TUSC3: variants seen among roughly 807,000 people sequenced by gnomAD.
The protein encoded by TUSC3 is dolichyl-diphosphooligosaccharide--protein glycosyltransferase subunit TUSC3.
Under a neutral mutation model 44.8 loss-of-function variants are expected in TUSC3, and 45 were observed. The observed-to-expected ratio is 1.00, with a 90% CI of 0.79 to 1.29. The LOEUF (loss-of-function observed/expected upper bound fraction) is 1.29, where lower values mean the gene tolerates loss of function less well. TUSC3 is among the 50% of genes most tolerant of loss of function. TUSC3 has a pLI of 0.00. For synonymous variants in TUSC3, 212 were observed against 152.9 expected (o/e 1.39, Z -2.85); for missense variants, 519 against 437.9 (o/e 1.19, Z -1.65).
chr8:15,450,354 T>C (rs1800177815), intron 1 of TUSC3, among the ~76,000 whole-genome samples: 1 of 151,964 alleles, frequency 6.6e-6, no homozygotes, highest in Non-Finnish European at 1.5e-5. Flanking sequence ...TAAATTGAGT[T>C]TTTAGGGCTG....
At chr8:15,480,541 A>G (rs1257373459) in intron 1 of TUSC3, among the ~76,000 whole-genome samples, 1 of 152,152 alleles carries the variant, frequency 6.6e-6, no homozygotes, top group Non-Finnish European at 1.5e-5. Context: ...CTCATGTCTG[A>G]TTTGATTCTT....
chr8:15,512,332 C>A (rs1801148442), intron 2 of TUSC3, among the ~76,000 whole-genome samples: 1 of 152,158 alleles, frequency 6.6e-6, no homozygotes, highest in Non-Finnish European at 1.5e-5. Context: ...GAAAAACTGA[C>A]CTCCCCTGAA....
At position 15,677,255 on chromosome 8, in the gene TUSC3, C is replaced by T. The variant is rs539503977; in HGVS notation, c.798+3419C>T. Among the ~76,000 whole-genome samples, 27 of 152,222 alleles carry T rather than the reference C, an allele frequency of 1.8e-4. No homozygotes were observed. The East Asian group carries it at 5.0e-3, about 28-fold the overall frequency. On this transcript the variant is annotated intron_variant, in intron 6 of 10. Transcript: ENST00000503731. Reference sequence around the variant, plus strand: ...ACTCAAGCAGCTCTCCTGCATTGGCCTCCCTGAGTTCTCGGATTACAGGCC... The same window carrying T: ...ACTCAAGCAGCTCTCCTGCATTGGCTTCCCTGAGTTCTCGGATTACAGGCC...
intron 6 of TUSC3, among the ~76,000 whole-genome samples, chr8:15,683,258 C>T (rs1808496526): frequency 6.6e-6 from 1 of 152,110 alleles, no homozygotes; most frequent in Admixed American, 6.5e-5. Flanking sequence ...ATGTTTTCTG[C>T]TTTCTCTTAA....
chr8:15,786,752 G>C, the TUSC3 span, among the ~76,000 whole-genome samples: 1 of 151,772 alleles, frequency 6.6e-6, no homozygotes, highest in Non-Finnish European at 1.5e-5. Flanking sequence ...GATCAGTATG[G>C]CCAAGGTGGT....
intron 1 of TUSC3, among the ~76,000 whole-genome samples, chr8:15,476,790 A>C (rs1372129840): frequency 6.6e-6 from 1 of 152,236 alleles, no homozygotes; most frequent in Non-Finnish European, 1.5e-5. Context: ...CCTATTGGCC[A>C]CTTGGTGTAC....
At chr8:15,672,779 C>T (rs10098150) in intron 5 of TUSC3, among the ~76,000 whole-genome samples, 3,287 of 152,070 alleles carry the variant, frequency 0.022, 113 homozygotes, top group African/African-American at 0.075. Flanking sequence ...CCTTTTGTAT[C>T]CTTGTTTTCT....
intron 1 of TUSC3, among the ~76,000 whole-genome samples, chr8:15,607,834 A>T (rs972443613): frequency 4.6e-5 from 7 of 152,186 alleles, no homozygotes; most frequent in African/African-American, 1.7e-4. Flanking sequence ...AAAATGTAGA[A>T]ATTTTGTACT....
intron 1 of TUSC3, among the ~76,000 whole-genome samples, chr8:15,470,669 C>T (rs1800479575): frequency 6.6e-6 from 1 of 152,080 alleles, no homozygotes; most frequent in Non-Finnish European, 1.5e-5. Flanking sequence ...CATTCAAAGT[C>T]CTTTCATTAA....
At chr8:15,770,616 G>T (rs567653206), downstream of TUSC3, among the ~76,000 whole-genome samples, 3 of 152,190 alleles carry the variant, frequency 2.0e-5, no homozygotes, top group South Asian at 6.2e-4. Flanking sequence ...ATCTTAAAAT[G>T]AATCAGTTGA....
chr8:15,740,036 A>G (rs754503349), intron 7 of TUSC3, among the ~76,000 whole-genome samples: 2 of 152,192 alleles, frequency 1.3e-5, no homozygotes, highest in South Asian at 4.1e-4. Flanking sequence ...AACAAAGACA[A>G]TAAGTACATT....
rs114223326 is a variant in TUSC3, at chr8:15,627,565, T to A, written c.308+4316T>A. On this transcript the variant is annotated intron_variant, in intron 2 of 10. Coordinates refer to ENST00000503731, the MANE Select transcript of TUSC3 (RefSeq NM_006765.4). ...GATGAAGAGAAGAAGAGAATAGCTG[T>A]GGCCCTTTGGGGAGCCCAGACCTGG... Among the ~76,000 whole-genome samples the A allele has an allele frequency of 5.9e-3, 894 of 152,356 alleles. 11 individuals carry two copies. The highest frequency in any genetic ancestry group is 0.021 in the African/African-American group (866 of 41,596).
chr8:15,695,635 A>G (rs573859972), intron 6 of TUSC3, among the ~76,000 whole-genome samples: 56 of 152,348 alleles, frequency 3.7e-4, no homozygotes, highest in Non-Finnish European at 7.1e-4. Flanking sequence ...AGAAGAAGAC[A>G]GGAAAATGTG....
At chr8:15,776,587 T>C in the TUSC3 span, among the ~76,000 whole-genome samples, 1 of 152,294 alleles carries the variant, frequency 6.6e-6, no homozygotes, top group South Asian at 2.1e-4. Flanking sequence ...TATTTAATTT[T>C]TAAGTTTTAA....
intron 7 of TUSC3, among the ~76,000 whole-genome samples, chr8:15,731,592 C>G (rs1300562830): frequency 6.6e-6 from 1 of 152,032 alleles, no homozygotes; most frequent in African/African-American, 2.4e-5. Flanking sequence ...TTAGGGAAGC[C>G]CACTTGAGCT....
At chr8:15,624,999 A>T (rs921963010) in intron 2 of TUSC3, among the ~76,000 whole-genome samples, 1 of 151,984 alleles carries the variant, frequency 6.6e-6, no homozygotes, top group Admixed American at 6.6e-5. Flanking sequence ...TAGGTTTTTT[A>T]TAGGTGGTAT....
At chr8:15,501,375 T>A (rs2129126960) in intron 2 of TUSC3, among the ~76,000 whole-genome samples, 1 of 152,294 alleles carries the variant, frequency 6.6e-6, no homozygotes, top group Non-Finnish European at 1.5e-5. Context: ...CACATGGTAC[T>A]TTCGCTATAC....
intron 6 of TUSC3, among the ~76,000 whole-genome samples, chr8:15,706,539 G>A (rs78767726): frequency 0.02 from 2,982 of 152,004 alleles, 93 homozygotes; most frequent in African/African-American, 0.068. Flanking sequence ...ACTTAAAAAG[G>A]GTTTGAAGTG....
chr8:15,505,532 T>C (rs1220454706), intron 2 of TUSC3, among the ~76,000 whole-genome samples: 1 of 152,198 alleles, frequency 6.6e-6, no homozygotes, highest in Non-Finnish European at 1.5e-5. Flanking sequence ...GTTGCCATAC[T>C]AGTTGAATCT....
Sources: gnomAD v4.1 joint callset for allele counts (sites outside exome capture counted in the v4.1 genomes callset) on GRCh38, gnomAD v4.1.1 for gene constraint, MANE v1.5 for transcripts, NCBI Gene and HGNC (gene_info 2026-07-23, HGNC 2026-07-21) for gene names.